The following PNKD variants were observed in gnomAD, a reference collection of about 807,000 sequenced individuals.
PNKD encodes PNKD metallo-beta-lactamase domain containing.
PNKD carries 36 observed loss-of-function variants against 45.3 expected under a neutral mutation model. That is an observed-to-expected ratio of 0.80 (90% CI 0.61 to 1.05). The LOEUF (loss-of-function observed/expected upper bound fraction) is 1.05, where lower values mean the gene tolerates loss of function less well. PNKD is among the 50% of genes least tolerant of loss of function. The probability of loss-of-function intolerance (pLI) is 0.00; values close to 1 mark genes in which losing one functional copy is unlikely to be tolerated. For synonymous variants in PNKD, 197 were observed against 210.1 expected (o/e 0.94, Z 0.54); for missense variants, 511 against 506.6 (o/e 1.01, Z -0.08).
At position 218,281,923 on chromosome 2, in the gene PNKD, G is replaced by A. The variant is rs759941526; in HGVS notation, c.236+10374G>A. 2.5e-6 allele frequency: 4 copies of A among 1,572,528 alleles called. No individual in the cohort carries two copies. In the East Asian group the frequency reaches 9.4e-5, roughly 37 times the overall value. ...TGTCCCTCCCACCCACCTTCCATCT[G>A]CCCTTCCAGGACTCACCGTAGTTCA... On this transcript the variant is annotated intron_variant, in intron 2 of 9. Coordinates refer to ENST00000273077, the MANE Select transcript of PNKD (RefSeq NM_015488.5).
chr2:218,301,592 G>A (rs1693276553), intron 2 of PNKD, among the ~76,000 whole-genome samples: 1 of 152,132 alleles, frequency 6.6e-6, no homozygotes, highest in Non-Finnish European at 1.5e-5. Flanking sequence ...TTCGAAACCA[G>A]CCTGTGCAAC....
chr2:218,299,328 G>A (rs1693217001), intron 2 of PNKD, among the ~76,000 whole-genome samples: 1 of 152,180 alleles, frequency 6.6e-6, no homozygotes, highest in Admixed American at 6.5e-5. Context: ...TTTTAGTAGA[G>A]ATGAGGTTTC....
intron 2 of PNKD, among the ~76,000 whole-genome samples, chr2:218,314,297 C>T (rs1693707644): frequency 7.8e-6 from 1 of 128,364 alleles, no homozygotes; most frequent in African/African-American, 3.0e-5. Flanking sequence ...TCACAGTTTA[C>T]TGCAGCCTTT....
chr2:218,311,724 G>C (rs2106261392), intron 2 of PNKD, among the ~76,000 whole-genome samples: 1 of 151,978 alleles, frequency 6.6e-6, no homozygotes, highest in African/African-American at 2.4e-5. Context: ...CCATTCCCAG[G>C]GAAGAGCAGG....
intron 2 of PNKD, chr2:218,278,891 C>T: frequency 2.2e-6 from 2 of 908,218 alleles, no homozygotes; most frequent in Non-Finnish European, 1.7e-6. Context: ...GGCACGCACA[C>T]CCACACCCTC....
chr2:218,323,049 G>GGA (rs895366500), intron 2 of PNKD: 2 of 509,456 alleles, frequency 3.9e-6, no homozygotes, highest in African/African-American at 1.9e-4. Context: ...GCCGCCAGCC[G>GGA]GGCGGAGCCA....
At chr2:218,321,038 C>T (rs767009783) in intron 2 of PNKD, among the ~76,000 whole-genome samples, 1 of 152,202 alleles carries the variant, frequency 6.6e-6, no homozygotes, top group Non-Finnish European at 1.5e-5. Context: ...TTTCATCAAA[C>T]ATATCTTGGA....
intron 2 of PNKD, chr2:218,334,859 G>T: frequency 1.5e-6 from 1 of 666,794 alleles, no homozygotes; most frequent in Non-Finnish European, 2.7e-6. Flanking sequence ...TTGAGATTAT[G>T]CAAATATCCT....
chr2:218,313,470 T>G (rs1693675932), intron 2 of PNKD, among the ~76,000 whole-genome samples: 1 of 152,166 alleles, frequency 6.6e-6, no homozygotes, highest in Non-Finnish European at 1.5e-5. Flanking sequence ...TGTTCCCCAG[T>G]GTCTTTTTTT....
intron 2 of PNKD, among the ~76,000 whole-genome samples, chr2:218,299,777 A>G (rs1284295397): frequency 2.0e-5 from 3 of 151,554 alleles, no homozygotes; most frequent in African/African-American, 4.9e-5. Context: ...ACGTACCACC[A>G]CGCCAGGCTA....
chr2:218,323,229 C>A, intron 2 of PNKD: 1 of 1,446,582 alleles, frequency 6.9e-7, no homozygotes, highest in Non-Finnish European at 9.0e-7. Flanking sequence ...TGCCTAGCAA[C>A]GCCGAGCCCC....
In PNKD at chr2:218,278,589, C is replaced by A. The variant is rs769279400; in HGVS notation, c.236+7040C>A. ...CACTAGGGACAAAGAGATGGGGAAG[C>A]AGTTCAGGCCCAAATCTGCCCCGCT... is the stretch of plus-strand genomic sequence containing the variant. On this transcript the variant is annotated intron_variant, in intron 2 of 9. Coordinates refer to ENST00000273077, the MANE Select transcript of PNKD (RefSeq NM_015488.5). 1.9e-6 allele frequency: 3 copies of A among 1,613,884 alleles called. No homozygotes were observed. The African/African-American group carries it at 4.0e-5, about 22-fold the overall frequency.
chr2:218,339,519 C>G (rs191746806), intron 2 of PNKD, among the ~76,000 whole-genome samples: 18 of 152,320 alleles, frequency 1.2e-4, no homozygotes, highest in African/African-American at 4.1e-4. Flanking sequence ...AGCCACTGCG[C>G]CTGGCCTCTC....
At chr2:218,319,371 C>CTTTTTTTTTTTTTTTTTTT (rs35553031) in intron 2 of PNKD, among the ~76,000 whole-genome samples, 6 of 80,212 alleles carry the variant, frequency 7.5e-5, no homozygotes, top group Non-Finnish European at 1.4e-4. Context: ...TCTTGTTTGT[C>CTTTTTTTTTTTTTTTTTTT]TTTTTTTTTT....
intron 2 of PNKD, among the ~76,000 whole-genome samples, chr2:218,333,041 G>A (rs1341310416): frequency 2.0e-5 from 3 of 152,144 alleles, no homozygotes; most frequent in Non-Finnish European, 2.9e-5. Context: ...CACCCTCTGG[G>A]GACGAGGCCT....
intron 2 of PNKD, among the ~76,000 whole-genome samples, chr2:218,325,707 G>T (rs1317543986): frequency 6.6e-6 from 1 of 152,148 alleles, no homozygotes; most frequent in East Asian, 1.9e-4. Context: ...AGAATGCCAG[G>T]ATCACTATCT....
intron 2 of PNKD, among the ~76,000 whole-genome samples, chr2:218,322,633 C>A (rs1694018221): frequency 6.6e-6 from 1 of 152,154 alleles, no homozygotes; most frequent in Non-Finnish European, 1.5e-5. Flanking sequence ...TATCATTGCC[C>A]CCTCCTTGAC....
At chr2:218,308,791 GC>G (rs1322882742) in intron 2 of PNKD, among the ~76,000 whole-genome samples, 2 of 150,834 alleles carry the variant, frequency 1.3e-5, no homozygotes, top group Non-Finnish European at 3.0e-5. Context: ...CACCATGTTG[GC>G]CAGGCTGGTC....
chr2:218,273,071 T>G, intron 2 of PNKD: 1 of 644,984 alleles, frequency 1.6e-6, no homozygotes, highest in Admixed American at 3.5e-5. Context: ...CCCAGAGACT[T>G]AAGTGCAACC....
Sources: allele counts gnomAD v4.1 joint callset (sites outside exome capture counted in the v4.1 genomes callset), GRCh38; gene constraint gnomAD v4.1.1; transcripts MANE v1.5; gene names NCBI Gene and HGNC (gene_info 2026-07-23, HGNC 2026-07-21).